The following DPP6 variants were observed in gnomAD, a reference collection of about 807,000 sequenced individuals.
DPP6 encodes dipeptidyl peptidase like 6.
Under a neutral mutation model 122.6 loss-of-function variants are expected in DPP6, and 69 were observed. The observed-to-expected ratio is 0.56, with a 90% CI of 0.46 to 0.69. DPP6 has a LOEUF of 0.69. Ranked by LOEUF, DPP6 falls within the 30% of genes least tolerant of loss-of-function variation. The probability of loss-of-function intolerance (pLI) is 0.00; values close to 1 mark genes in which losing one functional copy is unlikely to be tolerated. For missense variants in DPP6, 928 were observed against 1,116.9 expected (o/e 0.83, Z 2.41); for synonymous variants, 418 against 433.1 (o/e 0.97, Z 0.43).
chr7:153,937,437 C>CTTTTT (rs201001951), intron 1 of DPP6, among the ~76,000 whole-genome samples: 13 of 115,470 alleles, frequency 1.1e-4, no homozygotes, highest in Non-Finnish European at 1.7e-4. Flanking sequence ...TCAGAGCTAA[C>CTTTTT]TTTTTTTTTT....
At chr7:154,029,292 G>A (rs1799104532) in intron 1 of DPP6, among the ~76,000 whole-genome samples, 1 of 150,580 alleles carries the variant, frequency 6.6e-6, no homozygotes, top group Admixed American at 6.6e-5. Context: ...TGAGGCGGGT[G>A]GATCACGAGG....
At chr7:154,684,327 C>A (rs756702425) in intron 7 of DPP6, among the ~76,000 whole-genome samples, 12 of 152,178 alleles carry the variant, frequency 7.9e-5, no homozygotes, top group Non-Finnish European at 1.2e-4. Flanking sequence ...TATTCTCCCC[C>A]AGCCAAATCC....
chr7:154,890,672 A>T (rs1461417671), intron 25 of DPP6: 1 of 152,230 alleles, frequency 6.6e-6, no homozygotes, highest in Non-Finnish European at 1.5e-5. Context: ...CCACCCAGGG[A>T]CACACATGTG....
chr7:154,213,150 C>T (rs1378167776), intron 1 of DPP6, among the ~76,000 whole-genome samples: 8 of 152,258 alleles, frequency 5.3e-5, no homozygotes, highest in Non-Finnish European at 4.4e-5. Context: ...GCGCTCTTGG[C>T]ACCTGGGAGC....
chr7:153,767,215 A>G, the DPP6 span, among the ~76,000 whole-genome samples: 9 of 152,232 alleles, frequency 5.9e-5, 1 homozygote, highest in Admixed American at 3.3e-4. Context: ...GAAGAGCAGA[A>G]AAATGTCCAC....
At chr7:154,674,910 G>A (rs985890818) in intron 7 of DPP6, among the ~76,000 whole-genome samples, 6 of 152,194 alleles carry the variant, frequency 3.9e-5, no homozygotes, top group African/African-American at 1.4e-4. Flanking sequence ...CAGACCAAGA[G>A]AGGCTGAGGG....
the DPP6 span, among the ~76,000 whole-genome samples, chr7:153,755,671 C>A: frequency 2.0e-5 from 3 of 152,112 alleles, no homozygotes; most frequent in Admixed American, 1.3e-4. Flanking sequence ...TCAGTCTATC[C>A]TGCTTAGGAA....
chr7:154,090,937 A>AG (rs1306385100), intron 1 of DPP6, among the ~76,000 whole-genome samples: 7 of 148,926 alleles, frequency 4.7e-5, no homozygotes, highest in South Asian at 2.2e-4. Context: ...TGGCTAACAC[A>AG]GTGAAACCCC....
intron 1 of DPP6, among the ~76,000 whole-genome samples, chr7:153,964,913 C>CTTTT (rs1491387853): frequency 8.8e-6 from 1 of 113,366 alleles, no homozygotes; most frequent in Non-Finnish European, 1.6e-5. Flanking sequence ...CTTTTCTTTT[C>CTTTT]CTTTCTTTCT....
intron 1 of DPP6, among the ~76,000 whole-genome samples, chr7:154,247,223 G>T (rs942151839): frequency 1.3e-5 from 2 of 152,164 alleles, no homozygotes; most frequent in African/African-American, 4.8e-5. Flanking sequence ...TGAGGCAGGA[G>T]AATCCCTTAA....
At position 154,682,368 on chromosome 7, in the gene DPP6, A is replaced by T. The variant is rs562101358; in HGVS notation, c.762+12927A>T. On this transcript the variant is annotated intron_variant, in intron 7 of 25. Coordinates refer to ENST00000377770, the MANE Select transcript of DPP6 (RefSeq NM_130797.4). ...TGTCTTTCCAAGGACGTTTCAGAGG[A>T]TGAAAGCGCCTCACTTCTTGTCCCA... Among the ~76,000 whole-genome samples the T allele has an allele frequency of 9.2e-5, 14 of 152,340 alleles. 1 individual carries two copies. In the South Asian group the frequency reaches 2.9e-3, roughly 32 times the overall value.
chr7:154,859,621 C>T (rs1803169253), intron 17 of DPP6, among the ~76,000 whole-genome samples: 2 of 152,214 alleles, frequency 1.3e-5, no homozygotes, highest in African/African-American at 4.8e-5. Flanking sequence ...TATCTACAAA[C>T]AGAGCCTGCG....
chr7:154,433,669 G>C (rs1818632925), intron 1 of DPP6, among the ~76,000 whole-genome samples: 1 of 152,142 alleles, frequency 6.6e-6, no homozygotes, highest in African/African-American at 2.4e-5. Flanking sequence ...ATGTCAATTA[G>C]TCTTCTCCTT....
chr7:154,530,212 C>A (rs1200479170), intron 3 of DPP6, among the ~76,000 whole-genome samples: 1 of 151,690 alleles, frequency 6.6e-6, no homozygotes, highest in Non-Finnish European at 1.5e-5. Flanking sequence ...CGTCAGAGGC[C>A]TGTGAAGAGA....
At chr7:154,526,904 C>T (rs903855893) in intron 3 of DPP6, among the ~76,000 whole-genome samples, 3 of 152,164 alleles carry the variant, frequency 2.0e-5, no homozygotes, top group African/African-American at 7.2e-5. Flanking sequence ...GCTTGTGGCC[C>T]AGTGATTATT....
At position 154,389,223 on chromosome 7, in the gene DPP6, T is replaced by C. The variant is rs145814494; in HGVS notation, c.244-56991T>C. ...ACCTGGGAGGAAAGCAGAGTGAAGATTTTGAAAGTCACAGGCGATGTCGGC... is the reference window on the plus strand; with the variant it reads ...ACCTGGGAGGAAAGCAGAGTGAAGACTTTGAAAGTCACAGGCGATGTCGGC... On this transcript the variant is annotated intron_variant, in intron 1 of 25. Coordinates refer to ENST00000377770, the MANE Select transcript of DPP6 (RefSeq NM_130797.4). Among the ~76,000 whole-genome samples, 670 of 152,232 alleles carry C rather than the reference T, an allele frequency of 4.4e-3. 4 individuals carry two copies. Among genetic ancestry groups the C allele is most frequent in the African/African-American group, 0.015 (627 of 41,532 alleles).
chr7:153,951,848 G>T (rs1037363481), intron 1 of DPP6, among the ~76,000 whole-genome samples: 1 of 152,056 alleles, frequency 6.6e-6, no homozygotes, highest in East Asian at 1.9e-4. Context: ...TTCAATACCA[G>T]CCTGGTCAAC....
the DPP6 span, among the ~76,000 whole-genome samples, chr7:153,820,306 T>G: frequency 1.3e-5 from 2 of 152,242 alleles, no homozygotes; most frequent in African/African-American, 2.4e-5. Flanking sequence ...ATGGGTACAT[T>G]ACTTAAGGTT....
chr7:153,867,802 C>T, the DPP6 span, among the ~76,000 whole-genome samples: 2 of 152,092 alleles, frequency 1.3e-5, no homozygotes, highest in Non-Finnish European at 2.9e-5. Flanking sequence ...ATAGATAGCT[C>T]TTATTATTTT....
Sources: allele counts gnomAD v4.1 joint callset (sites outside exome capture counted in the v4.1 genomes callset), GRCh38; gene constraint gnomAD v4.1.1; transcripts MANE v1.5; gene names NCBI Gene and HGNC (gene_info 2026-07-23, HGNC 2026-07-21).